PDE3B: variants seen among roughly 807,000 people sequenced by gnomAD.
The protein encoded by PDE3B is phosphodiesterase 3B.
In PDE3B, 66 loss-of-function variants were observed where a neutral mutation model predicts 116.8. The ratio of observed to expected loss-of-function variants is 0.56; its 90% CI spans 0.46 to 0.69. PDE3B has a LOEUF of 0.69. Among genes scored for constraint, PDE3B ranks in the 30% least tolerant of loss-of-function variants. The pLI is 0.00. For missense variants in PDE3B, 1,384 were observed against 1,368.1 expected, an observed-to-expected ratio of 1.01 and a Z score of -0.18; for synonymous variants, 595 against 533.6, an observed-to-expected ratio of 1.12 and a Z score of -1.59.
At chr11:14,891,629 T>G in the PDE3B span, 6 of 1,094,300 alleles carry the variant, frequency 5.5e-6, no homozygotes, top group Non-Finnish European at 6.7e-6. Context: ...CGCCCGCACC[T>G]GAGGGCATGC....
At chr11:14,850,852 G>C (rs575271180) in intron 12 of PDE3B, among the ~76,000 whole-genome samples, 1 of 152,038 alleles carries the variant, frequency 6.6e-6, no homozygotes, top group Non-Finnish European at 1.5e-5. Flanking sequence ...TTTTTGAGAC[G>C]GAGTCCTGCT....
At chr11:14,685,582 A>C (rs113819823) in intron 1 of PDE3B, among the ~76,000 whole-genome samples, 2 of 150,542 alleles carry the variant, frequency 1.3e-5, no homozygotes, top group Non-Finnish European at 2.9e-5. Flanking sequence ...CAGCTTCCCA[A>C]GTAGCTGGGA....
intron 2 of PDE3B, among the ~76,000 whole-genome samples, chr11:14,785,380 GA>G (rs929787124): frequency 9.2e-5 from 14 of 151,906 alleles, no homozygotes; most frequent in African/African-American, 2.4e-4. Flanking sequence ...CACTTCATAA[GA>G]AAAAAAATTC....
intron 9 of PDE3B, 84 bp from the exon 10 acceptor site, chr11:14,832,637 AG>A: frequency 1.8e-6 from 1 of 561,578 alleles, no homozygotes; most frequent in Non-Finnish European, 3.2e-6. Context: ...TTAACATTCC[AG>A]AATACAAATC....
intron 11 of PDE3B, among the ~76,000 whole-genome samples, chr11:14,839,686 C>G (rs1472810266): frequency 2.0e-5 from 3 of 152,296 alleles, no homozygotes; most frequent in Middle Eastern, 3.4e-3. Flanking sequence ...CAATACACTT[C>G]TATTGTCTTA....
At chr11:14,659,057 C>T (rs1478942970) in intron 1 of PDE3B, among the ~76,000 whole-genome samples, 1 of 152,108 alleles carries the variant, frequency 6.6e-6, no homozygotes, top group Non-Finnish European at 1.5e-5. Context: ...GGAATAAGTT[C>T]TTGATGTCAC....
At chr11:14,658,935 A>T (rs916539855) in intron 1 of PDE3B, among the ~76,000 whole-genome samples, 2 of 152,106 alleles carry the variant, frequency 1.3e-5, no homozygotes, top group African/African-American at 2.4e-5. Context: ...GAGTTGGATT[A>T]TTGGATTAAA....
At chr11:14,806,762 G>A (rs1858941349) in intron 5 of PDE3B, among the ~76,000 whole-genome samples, 1 of 150,048 alleles carries the variant, frequency 6.7e-6, no homozygotes. Context: ...GGGAGGCTGA[G>A]GCAGGAGAAT....
intron 1 of PDE3B, among the ~76,000 whole-genome samples, chr11:14,749,206 T>G (rs1590113148): frequency 6.6e-6 from 1 of 152,162 alleles, no homozygotes; most frequent in South Asian, 2.1e-4. Flanking sequence ...TTTCTATTTT[T>G]GTATAAAACT....
At chr11:14,759,763 G>C (rs1430727954) in intron 1 of PDE3B, among the ~76,000 whole-genome samples, 2 of 151,826 alleles carry the variant, frequency 1.3e-5, no homozygotes. Flanking sequence ...TGGCCCAGAT[G>C]GTCTCTATCT....
chr11:14,778,406 G>A (rs186417879), intron 2 of PDE3B, among the ~76,000 whole-genome samples: 2 of 152,322 alleles, frequency 1.3e-5, no homozygotes, highest in Non-Finnish European at 1.5e-5. Context: ...CTAACTGGGA[G>A]GCATCTCCCA....
At chr11:14,753,174 A>T (rs1005661279) in intron 1 of PDE3B, among the ~76,000 whole-genome samples, 1 of 152,128 alleles carries the variant, frequency 6.6e-6, no homozygotes, top group African/African-American at 2.4e-5. Flanking sequence ...GGAGGGAGAG[A>T]TATAAAAGTT....
At chr11:14,706,513 G>A (rs566277237) in intron 1 of PDE3B, among the ~76,000 whole-genome samples, 11 of 151,858 alleles carry the variant, frequency 7.2e-5, no homozygotes, top group Middle Eastern at 3.4e-3. Context: ...TTTAAAGTGC[G>A]GGCACATAGT....
intron 7 of PDE3B, among the ~76,000 whole-genome samples, chr11:14,829,833 G>A (rs1859814240): frequency 6.6e-6 from 1 of 151,988 alleles, no homozygotes; most frequent in African/African-American, 2.4e-5. Context: ...ATGTACCCCT[G>A]AACCTAAGAT....
In PDE3B at chr11:14,819,138, G is replaced by A; in HGVS notation, c.1736G>A (p.Cys579Tyr). ...RNSDSNLCNS[C>Y]GHQMLKYVST... ...ATTTATCTATTTTATTCTATAAGCT[G>A]TGGACATCAAATGCTGAAATATGTT... The change falls in exon 7 of 16, where the codon TGT becomes TAT. Residue 579 changes from cysteine (C) to tyrosine (Y), a missense_variant and splice_region_variant. This residue lies in a region of PDE3B where 956 missense variants were observed against 806.8 expected (regional missense o/e 1.18). Coordinates refer to ENST00000282096, the MANE Select transcript of PDE3B (RefSeq NM_000922.4). The A allele has an allele frequency of 1.3e-6, 2 of 1,571,036 alleles. No homozygotes were observed. The highest frequency in any genetic ancestry group is 1.1e-5 in the South Asian group (1 of 88,422).
intron 1 of PDE3B, among the ~76,000 whole-genome samples, chr11:14,671,467 G>A (rs755895838): frequency 4.6e-5 from 7 of 152,122 alleles, no homozygotes; most frequent in African/African-American, 7.2e-5. Context: ...TAAGAACAGT[G>A]TGGATCACAT....
intron 12 of PDE3B, among the ~76,000 whole-genome samples, chr11:14,846,699 G>C (rs1847611620): frequency 6.6e-6 from 1 of 151,898 alleles, no homozygotes; most frequent in Non-Finnish European, 1.5e-5. Flanking sequence ...TCTAGTCTCT[G>C]ATAAAACAGA....
rs116798911 is a variant in PDE3B at position 14,801,985 on chromosome 11, A to C, written c.1416-1959A>C. On this transcript the variant is annotated intron_variant, in intron 4 of 15. Transcript: ENST00000282096. ...ATGGCAGATGCCCCTCCTTCCACCA[A>C]GCTTGAGCATCCCAGGTGGATCTCA... Among the ~76,000 whole-genome samples, 1,449 of 152,278 alleles carry C rather than the reference A, an allele frequency of 9.5e-3. 24 individuals carry two copies. The highest frequency in any genetic ancestry group is 0.033 in the African/African-American group (1,357 of 41,564).
chr11:14,881,353 G>A, the PDE3B span, among the ~76,000 whole-genome samples: 1 of 152,078 alleles, frequency 6.6e-6, no homozygotes, highest in Non-Finnish European at 1.5e-5. Flanking sequence ...TTCTAATGCT[G>A]ATATTGCCTG....
Sources: gnomAD v4.1 joint callset for allele counts (sites outside exome capture counted in the v4.1 genomes callset) on GRCh38, gnomAD v4.1.1 for gene constraint, gnomAD v4.1.1 regional missense constraint, MANE v1.5 for transcripts, NCBI Gene and HGNC (gene_info 2026-07-23, HGNC 2026-07-21) for gene names.